The following ANKRD31 variants were observed in gnomAD, a reference collection of about 807,000 sequenced individuals.
ANKRD31 encodes the protein ankyrin repeat domain 31, also known as ankyrin repeat domain-containing protein 31.
A neutral mutation model predicts 186.0 loss-of-function variants in ANKRD31; 147 were observed. The observed-to-expected ratio is 0.79, with a 90% confidence interval of 0.69 to 0.91. The LOEUF is 0.91. ANKRD31 is among the 40% of genes least tolerant of loss of function. ANKRD31 has a pLI of 0.00. For missense variants in ANKRD31, 1,986 were observed against 2,148.8 expected (o/e 0.92, Z 1.50); for synonymous variants, 673 against 736.4 (o/e 0.91, Z 1.39).
chr5:75,120,583 G>A (rs1361385683), intron 17 of ANKRD31, among the ~76,000 whole-genome samples: 1 of 152,042 alleles, frequency 6.6e-6, no homozygotes, highest in East Asian at 1.9e-4. Context: ...AAATTTAGGA[G>A]CAAATGGGCC....
intron 17 of ANKRD31, among the ~76,000 whole-genome samples, chr5:75,136,774 T>A (rs969672024): frequency 2.0e-5 from 3 of 152,136 alleles, no homozygotes; most frequent in East Asian, 1.9e-4. Context: ...CAAATGTCCA[T>A]CAATGATAGA....
intron 8 of ANKRD31, among the ~76,000 whole-genome samples, chr5:75,192,990 G>A (rs1454072107): frequency 6.6e-6 from 1 of 152,036 alleles, no homozygotes; most frequent in Non-Finnish European, 1.5e-5. Context: ...CTCTTTGCGC[G>A]ACCTGTGGGT....
intron 10 of ANKRD31, among the ~76,000 whole-genome samples, chr5:75,180,915 C>G (rs747153391): frequency 7.4e-4 from 112 of 151,848 alleles, no homozygotes; most frequent in Non-Finnish European, 1.2e-3. Context: ...TTCTGCACAG[C>G]AAAAGAAACC....
chr5:75,177,188 G>T (rs1036190387), intron 10 of ANKRD31, among the ~76,000 whole-genome samples: 1 of 152,046 alleles, frequency 6.6e-6, no homozygotes, highest in Non-Finnish European at 1.5e-5. Context: ...AGAGAAAAAA[G>T]AATAAAAAGA....
intron 17 of ANKRD31, among the ~76,000 whole-genome samples, chr5:75,131,827 C>G (rs1462606092): frequency 1.3e-5 from 2 of 152,184 alleles, no homozygotes; most frequent in African/African-American, 4.8e-5. Context: ...GAGGAAGGAT[C>G]AGGCAGCAAC....
chr5:75,084,182 G>C, intron 24 of ANKRD31, 90 bp downstream of exon 24: 2 of 933,792 alleles, frequency 2.1e-6, no homozygotes, highest in South Asian at 3.1e-5. Context: ...TCACATCAAT[G>C]AGAAAAAAGA....
At chr5:75,232,165 GA>G (rs1757990794) in intron 1 of ANKRD31, among the ~76,000 whole-genome samples, 1 of 152,146 alleles carries the variant, frequency 6.6e-6, no homozygotes, top group Admixed American at 6.5e-5. Flanking sequence ...ATTTTTCCAA[GA>G]AGTAAACCAT....
chr5:75,180,187 G>T (rs1004057100), intron 10 of ANKRD31, among the ~76,000 whole-genome samples: 1 of 152,108 alleles, frequency 6.6e-6, no homozygotes, highest in Admixed American at 6.6e-5. Flanking sequence ...GGATGTGAAG[G>T]ACCTCTTCAA....
intron 10 of ANKRD31, among the ~76,000 whole-genome samples, chr5:75,186,606 A>T (rs1405676240): frequency 6.6e-6 from 1 of 152,190 alleles, no homozygotes; most frequent in Admixed American, 6.5e-5. Flanking sequence ...TTTGGCAAAA[A>T]TTTAAAATGT....
intron 3 of ANKRD31, among the ~76,000 whole-genome samples, chr5:75,217,422 A>T (rs1465810375): frequency 6.6e-6 from 1 of 152,182 alleles, no homozygotes; most frequent in Admixed American, 6.5e-5. Flanking sequence ...GTGCATACAG[A>T]TTTAGGACAG....
chr5:75,144,011 G>C lies in ANKRD31; in HGVS notation c.3585C>G (p.Thr1195=). ...TATAGGAATACAAACCTAGGTTGCA[G>C]GTAGTTTTTAAGAAACTTTGTCTTT... ...FRKRQSFLKT[T]CNLGMKAGRI... Residue 1195 remains threonine (T), a synonymous_variant, in exon 15 of 26, where the codon ACC becomes ACG. Transcript: ENST00000506364. 2.5e-6 allele frequency: 1 copy of C among 397,282 alleles called. No individual in the cohort carries two copies. The highest frequency in any genetic ancestry group is 3.6e-5 in the East Asian group (1 of 27,916). The allele number at this position is 397,282 out of a possible 1,614,324, so 24.6% of individuals were successfully genotyped here.
At chr5:75,212,793 G>A (rs1404197166) in intron 3 of ANKRD31, among the ~76,000 whole-genome samples, 3 of 152,128 alleles carry the variant, frequency 2.0e-5, no homozygotes, top group Non-Finnish European at 4.4e-5. Flanking sequence ...TATGTTGTCA[G>A]CATCTAAGAG....
intron 6 of ANKRD31, among the ~76,000 whole-genome samples, chr5:75,196,696 G>A (rs1755490827): frequency 2.0e-5 from 3 of 152,266 alleles, no homozygotes; most frequent in South Asian, 2.1e-4. Context: ...AGGACAAGAG[G>A]TCAGAGGGAA....
intron 10 of ANKRD31, among the ~76,000 whole-genome samples, chr5:75,186,837 T>C (rs775660927): frequency 5.9e-5 from 9 of 152,162 alleles, no homozygotes; most frequent in Non-Finnish European, 1.2e-4. Flanking sequence ...CACAGGGCAG[T>C]GGGCCTTTTT....
At chr5:75,236,465 T>A (rs1758281205) in intron 1 of ANKRD31, 118 bp downstream of exon 1, 1 of 813,818 alleles carries the variant, frequency 1.2e-6, no homozygotes. Context: ...AAGGCTCTGA[T>A]CCTGCCCACA....
chr5:75,110,577 C>A (rs182532949), intron 20 of ANKRD31, among the ~76,000 whole-genome samples: 1 of 151,480 alleles, frequency 6.6e-6, no homozygotes, highest in East Asian at 2.0e-4. Context: ...GGGCATGGTG[C>A]ATGCGCCTGT....
At chr5:75,204,226 G>A (rs1001805730) in intron 5 of ANKRD31, among the ~76,000 whole-genome samples, 9 of 152,074 alleles carry the variant, frequency 5.9e-5, no homozygotes, top group African/African-American at 2.2e-4. Context: ...TATCATTGTT[G>A]TAATTCATTC....
intron 3 of ANKRD31, among the ~76,000 whole-genome samples, chr5:75,221,290 TG>T (rs1364084430): frequency 2.0e-5 from 3 of 152,156 alleles, no homozygotes; most frequent in African/African-American, 7.2e-5. Flanking sequence ...GAAATCTACA[TG>T]CAGTTTGAAA....
chr5:75,210,356 T>C (rs1038211331), intron 4 of ANKRD31, among the ~76,000 whole-genome samples: 33 of 152,148 alleles, frequency 2.2e-4, no homozygotes, highest in Non-Finnish European at 4.6e-4. Flanking sequence ...TATTTTTTAT[T>C]AGAGATGGGG....
Sources: allele counts gnomAD v4.1 joint callset (sites outside exome capture counted in the v4.1 genomes callset), GRCh38; gene constraint gnomAD v4.1.1; transcripts MANE v1.5; gene names NCBI Gene and HGNC (gene_info 2026-07-23, HGNC 2026-07-21).